Variants in VPS13B observed in about 807,000 individuals in gnomAD.
The protein encoded by VPS13B is intermembrane lipid transfer protein VPS13B.
A neutral mutation model predicts 426.4 loss-of-function variants in VPS13B; 285 were observed. That is an observed-to-expected ratio of 0.67 (90% CI 0.61 to 0.74). VPS13B has a LOEUF of 0.74. Ranked by LOEUF, VPS13B falls within the 30% of genes least tolerant of loss-of-function variation. The pLI, the probability that VPS13B is intolerant of heterozygous loss-of-function variation, is 0.00. For synonymous variants in VPS13B, 1,676 were observed against 1,676.4 expected (o/e 1.00, Z 0.01); for missense variants, 4,537 against 4,782.6 (o/e 0.95, Z 1.51).
chr8:99,413,821 T>C (rs1815831442), intron 21 of VPS13B, among the ~76,000 whole-genome samples: 2 of 152,230 alleles, frequency 1.3e-5, no homozygotes, highest in Admixed American at 1.3e-4. Context: ...TTCTTTTGCA[T>C]TTGCTGAGGA....
chr8:99,609,476 G>A (rs1037220716), intron 33 of VPS13B, among the ~76,000 whole-genome samples: 3 of 152,080 alleles, frequency 2.0e-5, no homozygotes, highest in Admixed American at 6.6e-5. Context: ...TAACAGGCCC[G>A]CTTTGTTCAT....
intron 36 of VPS13B, among the ~76,000 whole-genome samples, chr8:99,708,361 T>C (rs1316351969): frequency 6.6e-6 from 1 of 152,134 alleles, no homozygotes; most frequent in Non-Finnish European, 1.5e-5. Flanking sequence ...AAGCATTTCA[T>C]AAAAAATACC....
At chr8:99,875,108 G>A in intron 61 of VPS13B, 1 of 386,144 alleles carries the variant, frequency 2.6e-6, no homozygotes, top group South Asian at 2.6e-5. Context: ...AAAGAACAAT[G>A]ACAGATGTTT....
At chr8:99,503,703 A>G (rs562237343) in intron 27 of VPS13B, among the ~76,000 whole-genome samples, 100 of 152,310 alleles carry the variant, frequency 6.6e-4, no homozygotes, top group African/African-American at 1.9e-3. Context: ...TCATGAGATT[A>G]TAGCAATTCA....
intron 23 of VPS13B, among the ~76,000 whole-genome samples, chr8:99,461,932 T>C (rs1472033793): frequency 2.0e-5 from 3 of 152,178 alleles, no homozygotes; most frequent in Admixed American, 6.6e-5. Flanking sequence ...GAGTACGTAT[T>C]GCTCAGTGCT....
intron 4 of VPS13B, among the ~76,000 whole-genome samples, chr8:99,102,731 A>G (rs1367687644): frequency 1.3e-5 from 2 of 152,190 alleles, no homozygotes; most frequent in South Asian, 2.1e-4. Flanking sequence ...TGAATACTTC[A>G]CTATAGAACT....
At chr8:99,051,415 C>A (rs1488326532) in intron 3 of VPS13B, among the ~76,000 whole-genome samples, 1 of 151,216 alleles carries the variant, frequency 6.6e-6, no homozygotes, top group East Asian at 1.9e-4. Flanking sequence ...CAGTACCATG[C>A]TGTTTTGGTT....
At chr8:99,656,953 G>A (rs1311592737) in intron 34 of VPS13B, among the ~76,000 whole-genome samples, 2 of 152,208 alleles carry the variant, frequency 1.3e-5, no homozygotes, top group East Asian at 1.9e-4. Flanking sequence ...CCTAATTTCA[G>A]TTATTCTGTT....
In VPS13B at chr8:99,819,503, A is replaced by G. The variant is rs770344131; in HGVS notation, c.8713A>G (p.Asn2905Asp). 1.2e-6 allele frequency: 2 copies of G among 1,613,922 alleles called. No individual in the cohort carries two copies. Among genetic ancestry groups the G allele is most frequent in the East Asian group, 4.5e-5 (2 of 44,848 alleles). ...TAAGGTACACCCTGGAGGCACAGTTAATCAGATCCTTGACGAATTCTATGG... is the reference window on the plus strand; with the variant it reads ...TAAGGTACACCCTGGAGGCACAGTTGATCAGATCCTTGACGAATTCTATGG... ...ATKVHPGGTV[N>D]QILDEFYGPE... Residue 2905 changes from asparagine (N) to aspartate (D), a missense_variant, in exon 48 of 62, where the codon AAT becomes GAT. By Grantham distance (23) the Asn-to-Asp change is conservative. Transcript: ENST00000357162.
At chr8:99,807,792 C>A (rs527756528) in intron 43 of VPS13B, among the ~76,000 whole-genome samples, 1 of 145,882 alleles carries the variant, frequency 6.9e-6, no homozygotes, top group African/African-American at 2.6e-5. Context: ...ACTGGCAGTG[C>A]GTGGAGGAAG....
At chr8:99,388,406 T>A (rs921635974) in intron 20 of VPS13B, among the ~76,000 whole-genome samples, 3 of 152,204 alleles carry the variant, frequency 2.0e-5, no homozygotes, top group Admixed American at 6.5e-5. Context: ...AGTATTTTTT[T>A]AATTTGTTAA....
At chr8:99,487,108 GA>G (rs748801176) in intron 25 of VPS13B, among the ~76,000 whole-genome samples, 1,098 of 75,510 alleles carry the variant, frequency 0.015, 7 homozygotes, top group African/African-American at 0.04. Flanking sequence ...CCGAAACCAA[GA>G]AAAAAAAAAA....
intron 8 of VPS13B, among the ~76,000 whole-genome samples, chr8:99,123,225 G>A (rs1210349886): frequency 6.6e-6 from 1 of 151,838 alleles, no homozygotes; most frequent in African/African-American, 2.4e-5. Flanking sequence ...AAAATGGGAT[G>A]ATCAGGGAAG....
At chr8:99,388,347 C>T (rs553061535) in intron 20 of VPS13B, among the ~76,000 whole-genome samples, 3 of 151,898 alleles carry the variant, frequency 2.0e-5, no homozygotes, top group African/African-American at 7.3e-5. Flanking sequence ...CTGTTAATAG[C>T]CATTAATTAT....
Position 99,511,513 on chromosome 8 carries a change from G to A in VPS13B, c.4633+1G>A. 1 of 1,610,450 alleles carries A rather than the reference G, an allele frequency of 6.2e-7. No individual in the cohort carries two copies. Among genetic ancestry groups the A allele is most frequent in the Non-Finnish European group, 8.5e-7 (1 of 1,179,132 alleles). On this transcript the variant is annotated splice_donor_variant, in intron 29 of 61. Coordinates refer to ENST00000357162, the MANE Select transcript of VPS13B (RefSeq NM_152564.5). LOFTEE classifies it high-confidence loss of function. The stretch of plus-strand genomic sequence containing the variant: ...GAAGAAATGCAGCCAACTGTTGAAG[G>A]TATTGTCTTCTGATTTTTTTTGTCT...
chr8:99,251,699 A>G (rs1427756844), intron 17 of VPS13B, among the ~76,000 whole-genome samples: 2 of 152,172 alleles, frequency 1.3e-5, no homozygotes, highest in East Asian at 3.9e-4. Context: ...AATGAAATGG[A>G]AAGTGTTTCC....
chr8:99,309,188 A>G (rs1353726022), intron 19 of VPS13B, among the ~76,000 whole-genome samples: 4 of 152,142 alleles, frequency 2.6e-5, no homozygotes, highest in Non-Finnish European at 5.9e-5. Context: ...TAGTTTAGTT[A>G]GATCCCATTT....
At chr8:99,214,773 T>G (rs1815295581) in intron 17 of VPS13B, among the ~76,000 whole-genome samples, 1 of 152,226 alleles carries the variant, frequency 6.6e-6, no homozygotes. Context: ...TTGTCTATTT[T>G]GTACCAGAGT....
chr8:99,675,801 T>A (rs555044763), intron 35 of VPS13B, among the ~76,000 whole-genome samples: 1 of 152,190 alleles, frequency 6.6e-6, no homozygotes, highest in Admixed American at 6.5e-5. Flanking sequence ...TTCAAATTAT[T>A]CTTTCAATCT....
Sources: gnomAD v4.1 joint callset for allele counts (sites outside exome capture counted in the v4.1 genomes callset) on GRCh38, gnomAD v4.1.1 for gene constraint, MANE v1.5 for transcripts, NCBI Gene and HGNC (gene_info 2026-07-23, HGNC 2026-07-21) for gene names.